B3GAT2: variants seen among roughly 807,000 people sequenced by gnomAD.
B3GAT2 encodes beta-1,3-glucuronyltransferase 2, also known as galactosylgalactosylxylosylprotein 3-beta-glucuronosyltransferase 2.
B3GAT2 carries 26 observed loss-of-function variants against 27.8 expected under a neutral mutation model. The observed-to-expected ratio is 0.93, with a 90% CI of 0.68 to 1.30. The LOEUF is 1.30. Among genes scored for constraint, B3GAT2 ranks in the 50% most tolerant of loss-of-function variants. B3GAT2 has a pLI of 0.00. For synonymous variants in B3GAT2, 218 were observed against 195.1 expected (o/e 1.12, Z -0.98); for missense variants, 458 against 459.0 (o/e 1.00, Z 0.02).
chr6:70,866,636 C>G (rs757119607), intron 2 of B3GAT2, among the ~76,000 whole-genome samples: 22 of 151,904 alleles, frequency 1.4e-4, no homozygotes, highest in Non-Finnish European at 2.8e-4. Context: ...TAGAAACTAC[C>G]AAAATGAAAC....
chr6:70,879,434 G>A (rs536549109), intron 2 of B3GAT2, among the ~76,000 whole-genome samples: 1 of 152,148 alleles, frequency 6.6e-6, no homozygotes, highest in East Asian at 1.9e-4. Context: ...GAATACCCTT[G>A]GGATTGTTTT....
In B3GAT2 at chr6:70,857,899, T is replaced by C; in HGVS notation, c.*3764A>G. 3 of 1,610,088 alleles carry C rather than the reference T, an allele frequency of 1.9e-6. No homozygotes were observed. Among genetic ancestry groups the C allele is most frequent in the Non-Finnish European group, 2.5e-6 (3 of 1,177,710 alleles). On this transcript the variant is annotated 3_prime_UTR_variant, in exon 4 of 4. Coordinates refer to ENST00000230053, the MANE Select transcript of B3GAT2 (RefSeq NM_080742.3). ...ACTACACGTGATAGCTCTGTCTTCA[T>C]TCATTTTCTTTTTGTGGTGCAGGTG...
At chr6:70,903,799 A>G (rs1772550555) in intron 1 of B3GAT2, among the ~76,000 whole-genome samples, 1 of 152,168 alleles carries the variant, frequency 6.6e-6, no homozygotes, top group Non-Finnish European at 1.5e-5. Flanking sequence ...TGGTGGTAGT[A>G]AAAAATGGTA....
intron 1 of B3GAT2, among the ~76,000 whole-genome samples, chr6:70,949,444 C>T (rs1301660638): frequency 2.6e-5 from 4 of 151,890 alleles, no homozygotes; most frequent in African/African-American, 4.8e-5. Context: ...CCAAAAGACA[C>T]ATGAAAAAAT....
intron 1 of B3GAT2, among the ~76,000 whole-genome samples, chr6:70,954,920 G>GGGT (rs1554218607): frequency 6.6e-6 from 1 of 151,722 alleles, no homozygotes; most frequent in Admixed American, 6.6e-5. Context: ...GGCGGCGGGG[G>GGGT]GGGGCGGTGC....
chr6:70,952,819 C>T (rs1471157994), intron 1 of B3GAT2, among the ~76,000 whole-genome samples: 2 of 152,148 alleles, frequency 1.3e-5, no homozygotes, highest in East Asian at 1.9e-4. Context: ...TCTTTCCTGG[C>T]AATGCAGATC....
intron 1 of B3GAT2, among the ~76,000 whole-genome samples, chr6:70,931,739 T>C (rs1027828978): frequency 2.6e-5 from 4 of 152,192 alleles, no homozygotes; most frequent in Non-Finnish European, 5.9e-5. Context: ...CTTCATGACA[T>C]TGAATTTGGC....
chr6:70,862,054 C>A, intron 2 of B3GAT2, 76 bp from the exon 3 acceptor site: 2 of 1,372,684 alleles, frequency 1.5e-6, no homozygotes, highest in South Asian at 3.0e-5. Context: ...TAATTTTGGT[C>A]ACATCAAAAC....
At chr6:70,937,765 A>G in intron 1 of B3GAT2, among the ~76,000 whole-genome samples, 1 of 152,036 alleles carries the variant, frequency 6.6e-6, no homozygotes. Context: ...AAATAATAAG[A>G]GCTATCTATG....
intron 1 of B3GAT2, among the ~76,000 whole-genome samples, chr6:70,926,710 T>C (rs973186024): frequency 1.3e-5 from 2 of 152,220 alleles, no homozygotes; most frequent in African/African-American, 4.8e-5. Flanking sequence ...TTGGTGTACC[T>C]GAAAGTGACG....
chr6:70,937,254 T>C (rs2150047929), intron 1 of B3GAT2, among the ~76,000 whole-genome samples: 1 of 151,724 alleles, frequency 6.6e-6, no homozygotes, highest in Non-Finnish European at 1.5e-5. Flanking sequence ...ATTGTGGCAA[T>C]AATCAATAGC....
chr6:70,894,244 C>T lies in B3GAT2; in HGVS notation c.620G>A (p.Trp207Ter). The T allele has an allele frequency of 6.2e-7, 1 of 1,605,390 alleles. No homozygotes were observed. Among genetic ancestry groups the T allele is most frequent in the South Asian group, 1.1e-5 (1 of 90,176 alleles). The change falls in exon 2 of 4, where the codon TGG (tryptophan) becomes TAG (stop). Residue 207 changes from tryptophan to a stop codon, truncating the protein, a stop_gained. Transcript: ENST00000230053. LOFTEE classifies it high-confidence loss of function. ...EMRTTRKVSVWPVGLVGGRRY... is the reference protein window; with the variant it reads ...EMRTTRKVSV ...CCGCCCACCAACCAGGCCCACAGGC[C>T]AGACGGAGACCTTGCGGGTGGTTCG...
At chr6:70,872,441 G>C (rs1002210903) in intron 2 of B3GAT2, among the ~76,000 whole-genome samples, 2 of 147,532 alleles carry the variant, frequency 1.4e-5, no homozygotes, top group Non-Finnish European at 3.0e-5. Context: ...ACTTTTTTTT[G>C]GTCTCTAGTA....
At chr6:70,865,441 A>C (rs1189937209) in intron 2 of B3GAT2, among the ~76,000 whole-genome samples, 1 of 152,184 alleles carries the variant, frequency 6.6e-6, no homozygotes, top group Non-Finnish European at 1.5e-5. Flanking sequence ...TTTTAAAGCT[A>C]TATAGTATAA....
intron 1 of B3GAT2, among the ~76,000 whole-genome samples, chr6:70,915,678 G>A (rs766644452): frequency 4.7e-4 from 71 of 151,302 alleles, no homozygotes; most frequent in Non-Finnish European, 7.0e-4. Context: ...TTCCCGATTT[G>A]TTTTTGTCAG....
intron 1 of B3GAT2, among the ~76,000 whole-genome samples, chr6:70,901,103 A>G (rs1772491261): frequency 6.6e-6 from 1 of 152,228 alleles, no homozygotes; most frequent in Non-Finnish European, 1.5e-5. Flanking sequence ...GTGATTTTCC[A>G]AAACAAAACG....
intron 1 of B3GAT2, among the ~76,000 whole-genome samples, chr6:70,929,946 T>C (rs981947925): frequency 2.0e-5 from 3 of 152,190 alleles, no homozygotes; most frequent in Non-Finnish European, 4.4e-5. Flanking sequence ...CAAATTATAT[T>C]ATAAGGCTAC....
At chr6:70,921,179 G>C (rs1772863050) in intron 1 of B3GAT2, among the ~76,000 whole-genome samples, 1 of 152,084 alleles carries the variant, frequency 6.6e-6, no homozygotes, top group Non-Finnish European at 1.5e-5. Context: ...TCTCTAGCAA[G>C]GCTGGAAAAA....
intron 1 of B3GAT2, among the ~76,000 whole-genome samples, chr6:70,923,118 T>G (rs949400389): frequency 2.0e-5 from 3 of 152,204 alleles, no homozygotes; most frequent in African/African-American, 7.2e-5. Context: ...ATCAGCATCA[T>G]CATCAACATA....
Sources: allele counts gnomAD v4.1 joint callset (sites outside exome capture counted in the v4.1 genomes callset), GRCh38; gene constraint gnomAD v4.1.1; transcripts MANE v1.5; gene names NCBI Gene and HGNC (gene_info 2026-07-23, HGNC 2026-07-21).